The following COL7A1 variants were observed in gnomAD, a reference collection of about 807,000 sequenced individuals.
COL7A1 encodes the protein collagen alpha-1(VII) chain.
A neutral mutation model predicts 456.2 loss-of-function variants in COL7A1; 296 were observed. That is an observed-to-expected ratio of 0.65 (90% CI 0.59 to 0.71). The LOEUF (loss-of-function observed/expected upper bound fraction) is 0.71, where lower values mean the gene tolerates loss of function less well. COL7A1 is among the 30% of genes least tolerant of loss of function. The pLI is 0.00. For missense variants in COL7A1, 3,441 were observed against 4,017.2 expected (o/e 0.86, Z 3.88); for synonymous variants, 1,464 against 1,525.9 (o/e 0.96, Z 0.95).
rs780055855 is a variant in COL7A1, at chr3:48,592,720, C to T, written c.847-21G>A. The T allele has an allele frequency of 6.2e-7, 1 of 1,613,410 alleles. No individual in the cohort carries two copies. Among genetic ancestry groups the T allele is most frequent in the Admixed American group, 1.7e-5 (1 of 60,032 alleles). ...TTCACCTGCCCAGGGCAAGAGGTCA[C>T]TTTATCTTGCCCAGCCAAGTCCCCA... On this transcript the variant is annotated intron_variant, in intron 7 of 118. Transcript: ENST00000681320. The surrounding 1 kb of genome is among the most constrained non-coding windows in gnomAD (Gnocchi z 7.6).
Position 48,573,585 on chromosome 3 carries a change from C to T in COL7A1, c.6574-28G>A, listed in dbSNP as rs1198409729. 2 of 1,614,050 alleles carry T rather than the reference C, an allele frequency of 1.2e-6. No individual in the cohort carries two copies. Among genetic ancestry groups the T allele is most frequent in the Non-Finnish European group, 1.7e-6 (2 of 1,179,992 alleles). ...AGAGAAAAGGGTCAAGGGCAGGGAA[C>T]AGGGCTCAGGGATTAACACAGAGAA... On this transcript the variant is annotated intron_variant, in intron 82 of 118. Transcript: ENST00000681320. The surrounding 1 kb of genome is among the most constrained non-coding windows in gnomAD (Gnocchi z 5.5).
In COL7A1 at chr3:48,564,256, G is replaced by T; in HGVS notation, c.*150C>A. ...GGTTTGTCCACAGGGGGGAAGGCTA[G>T]ACCCACGGGACCAAGTCACTGAAAT... On this transcript the variant is annotated 3_prime_UTR_variant, in exon 119 of 119. Transcript: ENST00000681320. This position sits in a 1 kb window ranked among gnomAD's most constrained non-coding sequence, Gnocchi z 6.0. 1.0e-6 allele frequency: 1 copy of T among 955,154 alleles called. No homozygotes were observed. The highest frequency in any genetic ancestry group is 1.6e-6 in the Non-Finnish European group (1 of 606,666). The allele number at this position is 955,154 out of a possible 1,614,324, so 59.2% of individuals were successfully genotyped here. A position where few individuals can be genotyped will look rare whatever the true frequency, so the allele number is the denominator to read the frequency against.
chr3:48,580,832 T>C lies in COL7A1; in HGVS notation c.4980+50A>G. On this transcript the variant is annotated intron_variant, in intron 54 of 118. Transcript: ENST00000681320. This position sits in a 1 kb window ranked among gnomAD's most constrained non-coding sequence, Gnocchi z 4.5. ...ACCCCCCTCAGCCTTTCCTATCACC[T>C]TCATGCCCACCTCCCATCACCCCTG... The C allele has an allele frequency of 4.3e-6, 7 of 1,611,518 alleles. No homozygotes were observed. The highest frequency in any genetic ancestry group is 5.9e-6 in the Non-Finnish European group (7 of 1,177,794).
At position 48,570,638 on chromosome 3, in the gene COL7A1, C is replaced by G. The variant is rs754469339; in HGVS notation, c.7344+1G>C. 9 of 1,604,474 alleles carry G rather than the reference C, an allele frequency of 5.6e-6. No homozygotes were observed. The highest frequency in any genetic ancestry group is 7.7e-6 in the Non-Finnish European group (9 of 1,174,992). On this transcript the variant is annotated splice_donor_variant, in intron 96 of 118. Transcript: ENST00000681320. LOFTEE classifies it high-confidence loss of function. This position sits in a 1 kb window ranked among gnomAD's most constrained non-coding sequence, Gnocchi z 5.5. The stretch of plus-strand genomic sequence containing the variant: ...TGGGGCTTTAGGGCACCTCTACTCA[C>G]CACTGACCCCGGTGGTCCAGGTGGC...
Position 48,588,354 on chromosome 3 carries a change from C to T in COL7A1, c.2638G>A (p.Glu880Lys). The T allele has an allele frequency of 6.2e-7, 1 of 1,612,492 alleles. No homozygotes were observed. The highest frequency in any genetic ancestry group is 8.5e-7 in the Non-Finnish European group (1 of 1,179,942). The change falls in exon 21 of 119, where the codon GAG becomes AAG. Residue 880 changes from glutamate (E) to lysine (K), a missense_variant. Transcript: ENST00000681320. This position sits in a 1 kb window ranked among gnomAD's most constrained non-coding sequence, Gnocchi z 4.6. ...LGTLHVVQRG[E>K]HSLRLRWEPV... ...TCCCAGCGCAGCCTCAGCGAGTGCT[C>T]CCCGCGCTGCACCACGTGAAGCGTC...
Position 48,573,864 on chromosome 3 carries a change from AG to A in COL7A1, c.6527del (p.Pro2176LeufsTer30). The A allele has an allele frequency of 1.9e-6, 3 of 1,613,968 alleles. No homozygotes were observed. Among genetic ancestry groups the A allele is most frequent in the Non-Finnish European group, 1.7e-6 (2 of 1,179,986 alleles). On this transcript the variant is annotated frameshift_variant, in exon 81 of 119. Transcript: ENST00000681320. LOFTEE classifies it high-confidence loss of function. This position sits in a 1 kb window ranked among gnomAD's most constrained non-coding sequence, Gnocchi z 5.5. ...GTTCTTGGGTACTCACCACTGGGCC[AG>A]GGGGGCCTCTTGGACCCTGCAGACC... ...KPGLQGPRGP[P>X]GPVGGHGDPG...
At position 48,567,335 on chromosome 3, in the gene COL7A1, G is replaced by T; in HGVS notation, c.8047-145C>A. 9.4e-7 allele frequency: 1 copy of T among 1,061,218 alleles called. No individual in the cohort carries two copies. The highest frequency in any genetic ancestry group is 1.4e-6 in the Non-Finnish European group (1 of 705,292). 65.7% of individuals were successfully genotyped at this position (1,061,218 alleles called of 1,614,324 possible). On this transcript the variant is annotated intron_variant, in intron 109 of 118. Coordinates refer to ENST00000681320, the MANE Select transcript of COL7A1 (RefSeq NM_000094.4). The surrounding 1 kb of genome is among the most constrained non-coding windows in gnomAD (Gnocchi z 4.3). ...TGAGCCAACCAGATGTGATCCCCATGACTCCAACTCCACTATAGCCCCCTG... is the reference window on the plus strand; with the variant it reads ...TGAGCCAACCAGATGTGATCCCCATTACTCCAACTCCACTATAGCCCCCTG...
In COL7A1 at chr3:48,572,785, CCCTGCTGCCCCACT is replaced by C; in HGVS notation, c.6832-60_6832-47del. On this transcript the variant is annotated intron_variant, in intron 87 of 118. Coordinates refer to ENST00000681320, the MANE Select transcript of COL7A1 (RefSeq NM_000094.4). This position sits in a 1 kb window ranked among gnomAD's most constrained non-coding sequence, Gnocchi z 4.6. Reference sequence around the variant, plus strand: ...GAACTCAGTGCCTCTCCACCACCACCCCTGCTGCCCCACTCCTCATATTTCAGGCCCACAGCTGG... The same window carrying C: ...GAACTCAGTGCCTCTCCACCACCACCCCTCATATTTCAGGCCCACAGCTGG... The C allele has an allele frequency of 1.2e-6, 2 of 1,612,168 alleles. No individual in the cohort carries two copies. Among genetic ancestry groups the C allele is most frequent in the Non-Finnish European group, 1.7e-6 (2 of 1,178,968 alleles).
rs2045770010 is a variant in COL7A1 at position 48,592,413 on chromosome 3, A to G, written c.1031T>C (p.Leu344Pro). 6.2e-7 allele frequency: 1 copy of G among 1,613,632 alleles called. No homozygotes were observed. The change falls in exon 9 of 119, where the codon CTG (leucine) becomes CCG (proline). Residue 344 changes from leucine to proline, a missense_variant. Around this residue, in one of 3 missense-constraint regions of COL7A1, gnomAD observed 913 missense variants for 1,088.2 expected, o/e 0.84. Transcript: ENST00000681320. The surrounding 1 kb of genome is among the most constrained non-coding windows in gnomAD (Gnocchi z 7.6). ...ACCTGGCACACTCCGCCAGGCCACCAGGAGGCTGTGGGCTGTGGTATTCTG... is the reference window on the plus strand; with the variant it reads ...ACCTGGCACACTCCGCCAGGCCACCGGGAGGCTGTGGGCTGTGGTATTCTG... ...TIQNTTAHSL[L>P]VAWRSVPGAT... is the part of the protein sequence containing the mutation.
In COL7A1 at chr3:48,566,461, C is replaced by T; in HGVS notation, c.8358+49G>A. 1 of 1,609,598 alleles carries T rather than the reference C, an allele frequency of 6.2e-7. No individual in the cohort carries two copies. The highest frequency in any genetic ancestry group is 8.5e-7 in the Non-Finnish European group (1 of 1,177,504). On this transcript the variant is annotated intron_variant, in intron 113 of 118. Transcript: ENST00000681320. The surrounding 1 kb of genome is among the most constrained non-coding windows in gnomAD (Gnocchi z 5.9). ...GGGTGAGGGAGGTAGGGCCCCAGCCCACCCAGGCCCACCCAGGCCCTCCCA... is the reference window on the plus strand; with the variant it reads ...GGGTGAGGGAGGTAGGGCCCCAGCCTACCCAGGCCCACCCAGGCCCTCCCA...
chr3:48,571,868 G>A lies in COL7A1; in HGVS notation c.7068+133C>T. Reference sequence around the variant, plus strand: ...TGTGTGGCTCCCTGTGATCCAGAGAGCAGGCTCCTGGATGTTGGGACATGC... The same window carrying A: ...TGTGTGGCTCCCTGTGATCCAGAGAACAGGCTCCTGGATGTTGGGACATGC... On this transcript the variant is annotated intron_variant, in intron 92 of 118. Coordinates refer to ENST00000681320, the MANE Select transcript of COL7A1 (RefSeq NM_000094.4). The surrounding 1 kb of genome is among the most constrained non-coding windows in gnomAD (Gnocchi z 4.6). 1 of 1,091,262 alleles carries A rather than the reference G, an allele frequency of 9.2e-7. No homozygotes were observed. The allele number at this position is 1,091,262 out of a possible 1,614,324, so 67.6% of individuals were successfully genotyped here.
chr3:48,570,611 C>G lies in COL7A1; in HGVS notation c.7344+28G>C, dbSNP rs770413403. On this transcript the variant is annotated intron_variant, in intron 96 of 118. Coordinates refer to ENST00000681320, the MANE Select transcript of COL7A1 (RefSeq NM_000094.4). The surrounding 1 kb of genome is among the most constrained non-coding windows in gnomAD (Gnocchi z 5.5). ...CCTCACGAGGACAGGAAATCAAATACGTGGGGCTTTAGGGCACCTCTACTC... is the reference window on the plus strand; with the variant it reads ...CCTCACGAGGACAGGAAATCAAATAGGTGGGGCTTTAGGGCACCTCTACTC... The G allele has an allele frequency of 2.5e-6, 4 of 1,610,982 alleles. No individual in the cohort carries two copies. Among genetic ancestry groups the G allele is most frequent in the Non-Finnish European group, 3.4e-6 (4 of 1,178,472 alleles).
At position 48,583,863 on chromosome 3, in the gene COL7A1, T is replaced by G; in HGVS notation, c.4278+37A>C. The G allele has an allele frequency of 6.2e-7, 1 of 1,613,638 alleles. No individual in the cohort carries two copies. Among genetic ancestry groups the G allele is most frequent in the Non-Finnish European group, 8.5e-7 (1 of 1,179,792 alleles). ...CTGCCCCAGGAGAGACCCACACCCC[T>G]GAGCAGGGCCCCCAGCAGAGCCTCA... On this transcript the variant is annotated intron_variant, in intron 39 of 118. Coordinates refer to ENST00000681320, the MANE Select transcript of COL7A1 (RefSeq NM_000094.4). The surrounding 1 kb of genome is among the most constrained non-coding windows in gnomAD (Gnocchi z 5.1).
rs755141056 is a variant in COL7A1 at position 48,568,071 on chromosome 3, A to G, written c.7875+19T>C. 8 of 1,614,012 alleles carry G rather than the reference A, an allele frequency of 5.0e-6. No homozygotes were observed. In the South Asian group the frequency reaches 8.8e-5, roughly 18 times the overall value. On this transcript the variant is annotated intron_variant, in intron 106 of 118. Coordinates refer to ENST00000681320, the MANE Select transcript of COL7A1 (RefSeq NM_000094.4). The surrounding 1 kb of genome is among the most constrained non-coding windows in gnomAD (Gnocchi z 5.2). ...AGGCCTTCCTGACCAGAAAAAAACC[A>G]ATCTTGTTTCTTTCCTACCTTGAGG...
At position 48,578,822 on chromosome 3, in the gene COL7A1, C is replaced by T; in HGVS notation, c.5424+97G>A. On this transcript the variant is annotated intron_variant, in intron 63 of 118. Coordinates refer to ENST00000681320, the MANE Select transcript of COL7A1 (RefSeq NM_000094.4). This position sits in a 1 kb window ranked among gnomAD's most constrained non-coding sequence, Gnocchi z 4.7. ...CCTCCCAAAGGCAAGGCTGAACCGACCCCCCACCAACTCTCTCGGATGCTG... is the reference window on the plus strand; with the variant it reads ...CCTCCCAAAGGCAAGGCTGAACCGATCCCCCACCAACTCTCTCGGATGCTG... 7.6e-7 allele frequency: 1 copy of T among 1,320,318 alleles called. No individual in the cohort carries two copies. Among genetic ancestry groups the T allele is most frequent in the Non-Finnish European group, 1.0e-6 (1 of 966,804 alleles). 81.8% of individuals were successfully genotyped at this position (1,320,318 alleles called of 1,614,324 possible). A position where few individuals can be genotyped will look rare whatever the true frequency, so the allele number is the denominator to read the frequency against.
At position 48,585,432 on chromosome 3, in the gene COL7A1, A is replaced by T; in HGVS notation, c.3894+125T>A. 1 of 1,168,482 alleles carries T rather than the reference A, an allele frequency of 8.6e-7. No homozygotes were observed. The highest frequency in any genetic ancestry group is 1.3e-6 in the Non-Finnish European group (1 of 787,540). 72.4% of individuals were successfully genotyped at this position (1,168,482 alleles called of 1,614,324 possible). On this transcript the variant is annotated intron_variant, in intron 32 of 118. Coordinates refer to ENST00000681320, the MANE Select transcript of COL7A1 (RefSeq NM_000094.4). This position sits in a 1 kb window ranked among gnomAD's most constrained non-coding sequence, Gnocchi z 4.5. Reference sequence around the variant, plus strand: ...CCCCAAAGTCTCTGTGGTGGTTTATAACCTCCAGCTGGGCTTCTAGGAATT... The same window carrying T: ...CCCCAAAGTCTCTGTGGTGGTTTATTACCTCCAGCTGGGCTTCTAGGAATT...
rs368185576 is a variant in COL7A1 at position 48,574,459 on chromosome 3, A to C, written c.6456+29T>G. The C allele has an allele frequency of 1.9e-6, 3 of 1,613,986 alleles. No individual in the cohort carries two copies. In the African/African-American group the frequency reaches 4.0e-5, roughly 22 times the overall value. ...ATACATGTGAGAGCCACCTTCTTGCACATGTGTGGCTGTTGGGCAAGGACT... is the reference window on the plus strand; with the variant it reads ...ATACATGTGAGAGCCACCTTCTTGCCCATGTGTGGCTGTTGGGCAAGGACT... On this transcript the variant is annotated intron_variant, in intron 79 of 118. Transcript: ENST00000681320. The surrounding 1 kb of genome is among the most constrained non-coding windows in gnomAD (Gnocchi z 5.0).
chr3:48,595,284 T>A lies in COL7A1; in HGVS notation c.-18A>T, dbSNP rs965162685. On this transcript the variant is annotated 5_prime_UTR_variant, in exon 1 of 119. Transcript: ENST00000681320. Reference sequence around the variant, plus strand: ...TGGTCTTGCCTGCGCGTCCGCCCGCTCCCGCCGCCGCCGCTGCAGTCTCTC... The same window carrying A: ...TGGTCTTGCCTGCGCGTCCGCCCGCACCCGCCGCCGCCGCTGCAGTCTCTC... 6.6e-6 allele frequency: 5 copies of A among 760,256 alleles called. No individual in the cohort carries two copies. Among genetic ancestry groups the A allele is most frequent in the Non-Finnish European group, 1.1e-5 (5 of 443,604 alleles). The allele number at this position is 760,256 out of a possible 1,614,324, so 47.1% of individuals were successfully genotyped here.
Position 48,585,840 on chromosome 3 carries a change from G to A in COL7A1, c.3776C>T (p.Pro1259Leu), listed in dbSNP as rs753675795. Residue 1259 changes from proline (P) to leucine (L), a missense_variant, in exon 30 of 119, where the codon CCT becomes CTT. Coordinates refer to ENST00000681320, the MANE Select transcript of COL7A1 (RefSeq NM_000094.4). The surrounding 1 kb of genome is among the most constrained non-coding windows in gnomAD (Gnocchi z 4.5). ...CGCAGGGGCACTCACCATCTCTCCA[G>A]GTTCCCCCTTCTGGCCCTGGGGAAA... ...VYCPKGQKGE[P>L]GEMGLRGQVG... The A allele has an allele frequency of 6.2e-7, 1 of 1,614,108 alleles. No homozygotes were observed.
Sources: allele counts gnomAD v4.1 joint callset, GRCh38; gene constraint gnomAD v4.1.1; regional missense constraint gnomAD v4.1.1; non-coding constraint Gnocchi (gnomAD v3.1); transcripts MANE v1.5; gene names NCBI Gene and HGNC (gene_info 2026-07-23, HGNC 2026-07-21).